Variants in MDGA2 observed in about 807,000 individuals in gnomAD.
The protein encoded by MDGA2 is MAM domain containing glycosylphosphatidylinositol anchor 2, also known as MAM domain-containing glycosylphosphatidylinositol anchor protein 2.
A neutral mutation model predicts 117.8 loss-of-function variants in MDGA2; 40 were observed. The observed-to-expected ratio is 0.34, with a 90% CI of 0.26 to 0.44. MDGA2 has a LOEUF of 0.44. Ranked by LOEUF, MDGA2 falls within the 20% of genes least tolerant of loss-of-function variation. MDGA2 has a pLI of 1.00. For synonymous variants in MDGA2, 452 were observed against 439.0 expected (o/e 1.03, Z -0.37); for missense variants, 1,123 against 1,250.6 (o/e 0.90, Z 1.54).
intron 1 of MDGA2, among the ~76,000 whole-genome samples, chr14:47,358,244 G>A (rs1050694996): frequency 1.3e-5 from 2 of 152,124 alleles, no homozygotes; most frequent in African/African-American, 2.4e-5. Flanking sequence ...CTCCACCTCT[G>A]TATGCAATGA....
intron 1 of MDGA2, among the ~76,000 whole-genome samples, chr14:47,656,763 A>G (rs1897752053): frequency 1.3e-5 from 2 of 152,144 alleles, no homozygotes; most frequent in Admixed American, 1.3e-4. Context: ...TATTCTTTTA[A>G]AAAGGCCACA....
chr14:47,456,588 C>T (rs1336417898), intron 1 of MDGA2, among the ~76,000 whole-genome samples: 2 of 152,006 alleles, frequency 1.3e-5, no homozygotes, highest in Admixed American at 1.3e-4. Flanking sequence ...CAGGCATAAG[C>T]CACCATGCCC....
intron 3 of MDGA2, chr14:47,201,126 GC>G (rs1594718388): frequency 2.6e-6 from 2 of 762,722 alleles, no homozygotes; most frequent in East Asian, 5.0e-5. Context: ...GCTTGGGAAA[GC>G]CCTTTTTCTA....
At chr14:47,077,866 C>T (rs932351327) in intron 6 of MDGA2, among the ~76,000 whole-genome samples, 1 of 151,984 alleles carries the variant, frequency 6.6e-6, no homozygotes, top group African/African-American at 2.4e-5. Context: ...AGAAGTACAA[C>T]TTCTCTTTTA....
chr14:47,542,798 G>A (rs1008456061), intron 1 of MDGA2, among the ~76,000 whole-genome samples: 1 of 152,172 alleles, frequency 6.6e-6, no homozygotes. Flanking sequence ...ATACATTTTA[G>A]TATTGTTTTA....
chr14:46,874,399 AT>A (rs1882141376), intron 12 of MDGA2, among the ~76,000 whole-genome samples, 199 bp from the exon 13 acceptor site: 1 of 151,908 alleles, frequency 6.6e-6, no homozygotes, highest in Admixed American at 6.6e-5. Flanking sequence ...AGAATTTTAC[AT>A]GTAAATTAAT....
intron 1 of MDGA2, among the ~76,000 whole-genome samples, chr14:47,520,203 T>G (rs1043808334): frequency 1.3e-5 from 2 of 152,182 alleles, no homozygotes; most frequent in Admixed American, 6.5e-5. Context: ...TCTCTAAGGA[T>G]TTGCATTCAC....
chr14:47,318,395 C>CT (rs1305889066), intron 1 of MDGA2, among the ~76,000 whole-genome samples: 3 of 152,058 alleles, frequency 2.0e-5, no homozygotes, highest in African/African-American at 7.2e-5. Context: ...TTTCGAAGTC[C>CT]TTTCCACTAA....
intron 1 of MDGA2, among the ~76,000 whole-genome samples, chr14:47,469,680 G>A (rs1420083031): frequency 6.6e-6 from 1 of 152,100 alleles, no homozygotes; most frequent in African/African-American, 2.4e-5. Context: ...GTAATGGGAT[G>A]GCTGGGTCAA....
chr14:47,058,350 T>A (rs1021678133), intron 7 of MDGA2, among the ~76,000 whole-genome samples: 3 of 152,192 alleles, frequency 2.0e-5, no homozygotes, highest in African/African-American at 7.2e-5. Flanking sequence ...GACCATTTGG[T>A]CAATGCTCAA....
intron 8 of MDGA2, among the ~76,000 whole-genome samples, chr14:47,000,190 CTG>C (rs1179418684): frequency 1.3e-5 from 2 of 150,472 alleles, no homozygotes; most frequent in Admixed American, 6.7e-5. Flanking sequence ...TCTCACAACA[CTG>C]TGAGTTAGAC....
chr14:46,961,637 T>C (rs537891969), intron 8 of MDGA2, among the ~76,000 whole-genome samples: 1 of 150,508 alleles, frequency 6.6e-6, no homozygotes, highest in East Asian at 2.0e-4. Context: ...TGTTTTATAC[T>C]GCCTGATAAT....
intron 1 of MDGA2, among the ~76,000 whole-genome samples, chr14:47,538,913 G>C (rs1654147355): frequency 6.6e-6 from 1 of 152,110 alleles, no homozygotes; most frequent in Non-Finnish European, 1.5e-5. Context: ...GGGTAACGGA[G>C]TACCTAAGAA....
chr14:47,205,905 G>A (rs1301279587), intron 3 of MDGA2, among the ~76,000 whole-genome samples: 3 of 152,024 alleles, frequency 2.0e-5, no homozygotes, highest in Admixed American at 6.6e-5. Flanking sequence ...CAAAATCTGC[G>A]ACACAGAAGT....
intron 1 of MDGA2, among the ~76,000 whole-genome samples, chr14:47,495,234 C>T (rs1477280853): frequency 1.3e-5 from 2 of 151,920 alleles, no homozygotes; most frequent in African/African-American, 4.8e-5. Flanking sequence ...CATGGACATA[C>T]AGAGTGTAAT....
At chr14:46,883,843 T>C (rs553530495) in intron 10 of MDGA2, among the ~76,000 whole-genome samples, 2 of 152,096 alleles carry the variant, frequency 1.3e-5, no homozygotes, top group Non-Finnish European at 2.9e-5. Flanking sequence ...ATTTTTTTAT[T>C]CTCCTTAATT....
chr14:47,245,479 C>T (rs995923926), intron 2 of MDGA2, among the ~76,000 whole-genome samples: 15 of 151,580 alleles, frequency 9.9e-5, no homozygotes, highest in African/African-American at 3.6e-4. Flanking sequence ...GGTTCAGTGC[C>T]CCTACCCACT....
chr14:47,384,877 A>G (rs1485982926), intron 1 of MDGA2, among the ~76,000 whole-genome samples: 1 of 152,234 alleles, frequency 6.6e-6, no homozygotes. Flanking sequence ...ACCAGAGAAT[A>G]CAAAGATAGC....
chr14:47,077,664 T>C (rs922321250), intron 6 of MDGA2, among the ~76,000 whole-genome samples: 24 of 151,848 alleles, frequency 1.6e-4, no homozygotes, highest in African/African-American at 5.8e-4. Flanking sequence ...GAAGCAATGA[T>C]AATATCCAGT....
Sources: gnomAD v4.1 joint callset for allele counts (sites outside exome capture counted in the v4.1 genomes callset) on GRCh38, gnomAD v4.1.1 for gene constraint, MANE v1.5 for transcripts, NCBI Gene and HGNC (gene_info 2026-07-23, HGNC 2026-07-21) for gene names.